Variants in UGCG observed in about 807,000 individuals in gnomAD.
The protein encoded by UGCG is UDP-glucose ceramide glucosyltransferase.
In UGCG, 10 loss-of-function variants were observed where a neutral mutation model predicts 49.5. The ratio of observed to expected loss-of-function variants is 0.20; its 90% CI spans 0.12 to 0.34. UGCG has a LOEUF of 0.34. Ranked by LOEUF, UGCG falls within the 10% of genes least tolerant of loss-of-function variation. The pLI is 1.00. For synonymous variants in UGCG, 182 were observed against 158.2 expected (o/e 1.15, Z -1.13); for missense variants, 312 against 483.7 (o/e 0.65, Z 3.33).
intron 1 of UGCG, among the ~76,000 whole-genome samples, chr9:111,907,829 A>C (rs947060503): frequency 6.6e-6 from 1 of 152,004 alleles, no homozygotes; most frequent in Admixed American, 6.5e-5. Context: ...GGGTTTCACC[A>C]TGTTGGCCAG....
At chr9:111,926,159 G>A (rs1346945916) in intron 4 of UGCG, among the ~76,000 whole-genome samples, 1 of 152,082 alleles carries the variant, frequency 6.6e-6, no homozygotes, top group African/African-American at 2.4e-5. Context: ...GTATATACTG[G>A]GCTAAAAAAT....
intron 7 of UGCG, 106 bp downstream of exon 7, chr9:111,931,463 A>C: frequency 3.9e-6 from 4 of 1,037,666 alleles, no homozygotes; most frequent in East Asian, 5.2e-5. Flanking sequence ...TAAAGGTTGA[A>C]GATTTTTGTT....
chr9:111,916,995 T>C (rs564465184), intron 2 of UGCG, among the ~76,000 whole-genome samples: 2 of 151,938 alleles, frequency 1.3e-5, no homozygotes, highest in South Asian at 4.2e-4. Context: ...AAATAAAAAT[T>C]AAAAAATTGA....
intron 1 of UGCG, among the ~76,000 whole-genome samples, chr9:111,901,102 C>T (rs921688572): frequency 1.3e-5 from 2 of 152,192 alleles, no homozygotes; most frequent in Non-Finnish European, 2.9e-5. Context: ...GGGCGTGAGC[C>T]ACTGCGCCCA....
intron 6 of UGCG, among the ~76,000 whole-genome samples, chr9:111,930,832 C>T (rs1838413142): frequency 6.6e-6 from 1 of 152,182 alleles, no homozygotes; most frequent in Non-Finnish European, 1.5e-5. Context: ...TTTTTAAAAA[C>T]TGAAGTGTGT....
intron 6 of UGCG, 24 bp downstream of exon 6, chr9:111,929,702 A>G (rs1231335199): frequency 1.9e-6 from 3 of 1,608,422 alleles, no homozygotes; most frequent in East Asian, 2.2e-5. Flanking sequence ...ATGAAGCCAT[A>G]GTATTTTTAT....
At chr9:111,910,295 C>G (rs1837971998) in intron 1 of UGCG, among the ~76,000 whole-genome samples, 1 of 152,216 alleles carries the variant, frequency 6.6e-6, no homozygotes, top group African/African-American at 2.4e-5. Flanking sequence ...CCAGTTCTCT[C>G]TGCTACTTAG....
At position 111,935,020 on chromosome 9, in the gene UGCG, C is replaced by G. The variant is rs1376936251; in HGVS notation, c.*2023C>G. ...GTGTATTACTTAGCTCTCTGCTGAT[C>G]TCAGTATGGACAGTGTAACAACAAA... On this transcript the variant is annotated 3_prime_UTR_variant, in exon 9 of 9. Transcript: ENST00000374279. The G allele has an allele frequency of 6.6e-6, 1 of 152,194 alleles. No homozygotes were observed. Among genetic ancestry groups the G allele is most frequent in the Non-Finnish European group, 1.5e-5 (1 of 68,038 alleles). 9.4% of individuals were successfully genotyped at this position (152,194 alleles called of 1,614,324 possible).
intron 5 of UGCG, among the ~76,000 whole-genome samples, chr9:111,928,891 C>T (rs919839499): frequency 4.6e-5 from 7 of 151,900 alleles, no homozygotes; most frequent in Non-Finnish European, 7.4e-5. Flanking sequence ...AGAGAAATGG[C>T]AGTAGCGGAT....
chr9:111,914,771 G>GTT (rs546033202), intron 2 of UGCG, 25 bp downstream of exon 2: 2 of 605,024 alleles, frequency 3.3e-6, no homozygotes, highest in Non-Finnish European at 4.2e-6. Flanking sequence ...ACGGTTTTTT[G>GTT]TTTTGTTTTG....
At chr9:111,920,802 A>T (rs979811344) in intron 2 of UGCG, among the ~76,000 whole-genome samples, 13 of 152,076 alleles carry the variant, frequency 8.5e-5, no homozygotes, top group African/African-American at 3.1e-4. Context: ...AATATAACAG[A>T]CTTTGTCGTT....
intron 3 of UGCG, among the ~76,000 whole-genome samples, chr9:111,924,076 A>G (rs888682901): frequency 3.9e-5 from 6 of 152,172 alleles, no homozygotes; most frequent in African/African-American, 1.4e-4. Context: ...GCGTGAGCCC[A>G]TGGTGCCTGG....
intron 2 of UGCG, among the ~76,000 whole-genome samples, chr9:111,919,663 C>T (rs1398987444): frequency 6.9e-6 from 1 of 145,264 alleles, no homozygotes; most frequent in Non-Finnish European, 1.5e-5. Flanking sequence ...GGCGTGGTGG[C>T]GGATGCCTGT....
At chr9:111,932,008 G>A in intron 7 of UGCG, 162 bp from the exon 8 acceptor site, 1 of 717,938 alleles carries the variant, frequency 1.4e-6, no homozygotes, top group Non-Finnish European at 2.2e-6. Flanking sequence ...TGACAGAGCA[G>A]AACCCCGTCT....
chr9:111,899,996 A>AT (rs1837737789), intron 1 of UGCG, among the ~76,000 whole-genome samples: 1 of 152,248 alleles, frequency 6.6e-6, no homozygotes, highest in Non-Finnish European at 1.5e-5. Context: ...TCTGCCAACA[A>AT]TGTCAAAGGT....
rs1838077457 is a variant in UGCG at position 111,914,596 on chromosome 9, G to A, written c.99-9G>A. On this transcript the variant is annotated splice_polypyrimidine_tract_variant and intron_variant, in intron 1 of 8. Coordinates refer to ENST00000374279, the MANE Select transcript of UGCG (RefSeq NM_003358.3). ...TATAGAAATAATTTTTATATCATTT[G>A]CTTTTTAGCCGATTACACCTCAACA... 1.2e-6 allele frequency: 2 copies of A among 1,611,874 alleles called. No individual in the cohort carries two copies. Among genetic ancestry groups the A allele is most frequent in the Non-Finnish European group, 1.7e-6 (2 of 1,179,264 alleles).
intron 1 of UGCG, among the ~76,000 whole-genome samples, chr9:111,908,836 T>A (rs1170575127): frequency 6.6e-6 from 1 of 152,188 alleles, no homozygotes; most frequent in Non-Finnish European, 1.5e-5. Context: ...CAGTAAAACT[T>A]GTAAGACCCT....
chr9:111,907,183 G>A (rs1837902343), intron 1 of UGCG, among the ~76,000 whole-genome samples: 1 of 152,176 alleles, frequency 6.6e-6, no homozygotes, highest in Non-Finnish European at 1.5e-5. Context: ...GTAGTTGGAT[G>A]CTTCCATCTC....
At position 111,922,892 on chromosome 9, in the gene UGCG, T is replaced by C; in HGVS notation, c.284T>C (p.Ile95Thr). ...LCVQDHDDPA[I>T]DVCKKLLGKY... ...GTACAAGATCATGATGATCCAGCCA[T>C]TGATGTATGTAAGAAGCTTCTTGGA... Residue 95 changes from isoleucine to threonine, a missense_variant, in exon 3 of 9, where the codon ATT becomes ACT. Ile to Thr is a moderately conservative substitution (Grantham distance 89). Around this residue, in one of 4 missense-constraint regions of UGCG, gnomAD observed 64 missense variants for 67.6 expected, o/e 0.95. Transcript: ENST00000374279. 6.2e-7 allele frequency: 1 copy of C among 1,613,190 alleles called. No individual in the cohort carries two copies. The highest frequency in any genetic ancestry group is 8.5e-7 in the Non-Finnish European group (1 of 1,179,678).
Sources: gnomAD v4.1 joint callset for allele counts (sites outside exome capture counted in the v4.1 genomes callset) on GRCh38, gnomAD v4.1.1 for gene constraint, gnomAD v4.1.1 regional missense constraint, MANE v1.5 for transcripts, NCBI Gene and HGNC (gene_info 2026-07-23, HGNC 2026-07-21) for gene names.